The following SHC4 variants were observed in gnomAD, a reference collection of about 807,000 sequenced individuals.
SHC4 encodes the protein SHC adaptor protein 4.
A neutral mutation model predicts 69.4 loss-of-function variants in SHC4; 41 were observed. That is an observed-to-expected ratio of 0.59 (90% confidence interval 0.46 to 0.77). The LOEUF (loss-of-function observed/expected upper bound fraction) is 0.77. SHC4 is among the 30% of genes least tolerant of loss of function. The probability of loss-of-function intolerance (pLI) is 0.00; values close to 1 mark genes in which losing one functional copy is unlikely to be tolerated. For missense variants in SHC4, 777 were observed against 783.8 expected (o/e 0.99, Z 0.10); for synonymous variants, 318 against 299.3 (o/e 1.06, Z -0.64).
rs576657723 is a variant in SHC4, at chr15:48,859,370, C to G, written c.947-1555G>C. On this transcript the variant is annotated intron_variant, in intron 6 of 11. Coordinates refer to ENST00000332408, the MANE Select transcript of SHC4 (RefSeq NM_203349.4). ...TGGTGGTGTGGTGGTATTACTAAATCAAACAATGCTAAGGTATCAAATCTT... is the reference window on the plus strand; with the variant it reads ...TGGTGGTGTGGTGGTATTACTAAATGAAACAATGCTAAGGTATCAAATCTT... Among the ~76,000 whole-genome samples, 4 of 150,658 alleles carry G rather than the reference C, an allele frequency of 2.7e-5. No homozygotes were observed. The South Asian group carries it at 8.4e-4, about 32-fold the overall frequency.
At chr15:48,871,546 G>C (rs1899678100) in intron 5 of SHC4, among the ~76,000 whole-genome samples, 2 of 152,136 alleles carry the variant, frequency 1.3e-5, no homozygotes, top group African/African-American at 2.4e-5. Flanking sequence ...ACAATTTCTG[G>C]GAAGTGAGTA....
intron 1 of SHC4, among the ~76,000 whole-genome samples, chr15:48,940,140 T>C (rs983757302): frequency 6.6e-6 from 1 of 152,232 alleles, no homozygotes; most frequent in African/African-American, 2.4e-5. Context: ...AAGTTGGTTA[T>C]GGTTACTGCT....
chr15:48,896,834 T>G (rs1183916043), intron 2 of SHC4, among the ~76,000 whole-genome samples: 1 of 152,364 alleles, frequency 6.6e-6, no homozygotes, highest in East Asian at 1.9e-4. Flanking sequence ...ATTTTGTTGC[T>G]TTTGTTCACA....
chr15:48,935,638 G>A (rs774369368), intron 1 of SHC4, among the ~76,000 whole-genome samples: 8 of 152,156 alleles, frequency 5.3e-5, no homozygotes, highest in East Asian at 1.9e-4. Context: ...AATGTGGGTC[G>A]TGTAAGAAGG....
At chr15:48,909,554 C>A (rs926725972) in intron 2 of SHC4, among the ~76,000 whole-genome samples, 2 of 152,100 alleles carry the variant, frequency 1.3e-5, no homozygotes, top group African/African-American at 4.8e-5. Flanking sequence ...ATTTCTTTCT[C>A]TTGTCTGATT....
chr15:48,847,265 T>C (rs1218103315), intron 9 of SHC4, among the ~76,000 whole-genome samples: 1 of 152,180 alleles, frequency 6.6e-6, no homozygotes, highest in East Asian at 1.9e-4. Context: ...ACACAGTATA[T>C]ACACTGTAAG....
At chr15:48,939,390 T>C (rs1452795840) in intron 1 of SHC4, among the ~76,000 whole-genome samples, 2 of 152,166 alleles carry the variant, frequency 1.3e-5, no homozygotes, top group African/African-American at 4.8e-5. Flanking sequence ...GCACAGCATG[T>C]GCAAGAGGTA....
intron 2 of SHC4, among the ~76,000 whole-genome samples, chr15:48,917,397 G>A (rs1900645388): frequency 6.6e-6 from 1 of 152,114 alleles, no homozygotes; most frequent in East Asian, 1.9e-4. Context: ...GAAAGTTTAA[G>A]TAACAATGTC....
chr15:48,949,099 C>T (rs948541238), intron 1 of SHC4, among the ~76,000 whole-genome samples: 1 of 151,100 alleles, frequency 6.6e-6, no homozygotes, highest in Non-Finnish European at 1.5e-5. Flanking sequence ...TGGCCAGGCG[C>T]GGTGGCTCAC....
chr15:48,839,223 G>A (rs950076463), intron 10 of SHC4, among the ~76,000 whole-genome samples: 1 of 152,132 alleles, frequency 6.6e-6, no homozygotes, highest in Non-Finnish European at 1.5e-5. Context: ...AACTCCACAC[G>A]GAACTGCCTC....
chr15:48,871,530 T>C (rs1899677716), intron 5 of SHC4, among the ~76,000 whole-genome samples: 1 of 152,140 alleles, frequency 6.6e-6, no homozygotes. Context: ...CTTGGAGAAA[T>C]CCTGTACAAT....
chr15:48,876,225 G>A (rs552295050), intron 4 of SHC4, among the ~76,000 whole-genome samples: 5 of 152,294 alleles, frequency 3.3e-5, no homozygotes, highest in African/African-American at 1.2e-4. Flanking sequence ...AGATAAGGTG[G>A]CTGCATTCAA....
At chr15:48,841,617 G>A (rs777188533) in intron 10 of SHC4, among the ~76,000 whole-genome samples, 10 of 152,196 alleles carry the variant, frequency 6.6e-5, no homozygotes, top group African/African-American at 1.7e-4. Context: ...GGACAACTCC[G>A]ACAGACCACA....
intron 3 of SHC4, among the ~76,000 whole-genome samples, chr15:48,887,227 G>C (rs1222239372): frequency 1.3e-5 from 2 of 152,144 alleles, no homozygotes; most frequent in African/African-American, 2.4e-5. Flanking sequence ...TATTCAACTG[G>C]TCCTAAATCG....
At chr15:48,838,867 A>G (rs1898944061) in intron 10 of SHC4, among the ~76,000 whole-genome samples, 1 of 152,274 alleles carries the variant, frequency 6.6e-6, no homozygotes. Flanking sequence ...ACCTCACATA[A>G]TCTATAAAGG....
intron 3 of SHC4, 96 bp from the exon 4 acceptor site, chr15:48,884,463 C>A: frequency 9.6e-7 from 1 of 1,038,010 alleles, no homozygotes; most frequent in Non-Finnish European, 1.3e-6. Flanking sequence ...AGTCAAAGTC[C>A]AAACTCTTCC....
At chr15:48,878,494 G>A in intron 4 of SHC4, 1 of 1,614,008 alleles carries the variant, frequency 6.2e-7, no homozygotes, top group African/African-American at 1.3e-5. Flanking sequence ...ATGACTGGGA[G>A]GACGACTACG....
chr15:48,939,270 T>A (rs1470563552), intron 1 of SHC4, among the ~76,000 whole-genome samples: 1 of 151,994 alleles, frequency 6.6e-6, no homozygotes, highest in East Asian at 1.9e-4. Flanking sequence ...TCAGAGAGGC[T>A]CCAGACCAGC....
chr15:48,878,983 C>T (rs1899886939), intron 4 of SHC4: 1 of 415,762 alleles, frequency 2.4e-6, no homozygotes, highest in Admixed American at 4.0e-5. Context: ...TCCTAAAACA[C>T]CTATGGCTTT....
Sources: gnomAD v4.1 joint callset for allele counts (sites outside exome capture counted in the v4.1 genomes callset) on GRCh38, gnomAD v4.1.1 for gene constraint, MANE v1.5 for transcripts, NCBI Gene and HGNC (gene_info 2026-07-23, HGNC 2026-07-21) for gene names.